The following AKAP13 variants were observed in gnomAD, a reference collection of about 807,000 sequenced individuals.
The protein encoded by AKAP13 is A-kinase anchor protein 13.
AKAP13 carries 80 observed loss-of-function variants against 264.5 expected under a neutral mutation model. That is an observed-to-expected ratio of 0.30 (90% CI 0.25 to 0.36). AKAP13 has a LOEUF of 0.36. Among genes scored for constraint, AKAP13 ranks in the 10% least tolerant of loss-of-function variants. AKAP13 has a pLI of 1.00. For missense variants in AKAP13, 3,712 were observed against 3,435.2 expected (o/e 1.08, Z -2.01); for synonymous variants, 1,380 against 1,250.2 (o/e 1.10, Z -2.19).
chr15:85,727,936 A>G lies in AKAP13; in HGVS notation c.7087+473A>G, dbSNP rs1384442070. On this transcript the variant is annotated intron_variant, in intron 29 of 36. Transcript: ENST00000394518. This position sits in a 1 kb window ranked among gnomAD's most constrained non-coding sequence, Gnocchi z 5.3. ...AAGTTTTGGGAGCAGGGTATGTATC[A>G]ATCTATGTTTGACCCTTATTTATTG... Among the ~76,000 whole-genome samples the G allele has an allele frequency of 6.6e-6, 1 of 152,212 alleles. No homozygotes were observed. The highest frequency in any genetic ancestry group is 1.5e-5 in the Non-Finnish European group (1 of 68,034).
At chr15:85,529,050 A>G (rs1318335742) in intron 3 of AKAP13, among the ~76,000 whole-genome samples, 1 of 152,192 alleles carries the variant, frequency 6.6e-6, no homozygotes, top group African/African-American at 2.4e-5. Context: ...TTATGCAGAA[A>G]GTTAGATTGT....
chr15:85,501,523 A>G (rs1478731017), intron 2 of AKAP13, among the ~76,000 whole-genome samples: 4 of 152,238 alleles, frequency 2.6e-5, no homozygotes, highest in Non-Finnish European at 5.9e-5. Flanking sequence ...AGAGGTTGGC[A>G]GAAATGTGTA....
chr15:85,557,315 A>G (rs1048244050), intron 5 of AKAP13, among the ~76,000 whole-genome samples: 1 of 152,190 alleles, frequency 6.6e-6, no homozygotes. Flanking sequence ...TAAATAAGAT[A>G]TTTATGATGA....
intron 2 of AKAP13, among the ~76,000 whole-genome samples, chr15:85,493,023 T>C (rs539674890): frequency 1.3e-5 from 2 of 152,330 alleles, no homozygotes; most frequent in South Asian, 4.1e-4. Context: ...ATCTTTTGCA[T>C]ATTGGATTTT....
At chr15:85,689,596 CT>C (rs2085156375) in intron 16 of AKAP13, among the ~76,000 whole-genome samples, 1 of 152,200 alleles carries the variant, frequency 6.6e-6, no homozygotes, top group Non-Finnish European at 1.5e-5. Context: ...CTAGTCACCA[CT>C]TTACACCAGG....
chr15:85,579,998 A>G lies in AKAP13; in HGVS notation c.1930A>G (p.Ser644Gly). Residue 644 changes from serine (S) to glycine (G), a missense_variant, in exon 7 of 37, where the codon AGC becomes GGC. Around this residue, in one of 3 missense-constraint regions of AKAP13, gnomAD observed 2,759 missense variants for 2,411.7 expected, o/e 1.14. Transcript: ENST00000394518. The stretch of plus-strand genomic sequence containing the variant: ...AGAAACAAATTCATCTCATGCTCAA[A>G]GCCAAAAGGGCAAATCCTCACCCAT... Reference protein sequence around the residue: ...NSETNSSHAQSQKGKSSPICS... With the variant: ...NSETNSSHAQGQKGKSSPICS... 6.2e-7 allele frequency: 1 copy of G among 1,614,228 alleles called. No individual in the cohort carries two copies.
intron 1 of AKAP13, among the ~76,000 whole-genome samples, chr15:85,446,682 G>A (rs975562709): frequency 2.7e-5 from 4 of 150,786 alleles, no homozygotes; most frequent in African/African-American, 4.9e-5. Flanking sequence ...CGTCTTCCCC[G>A]CTTTGCCCAG....
At position 85,664,492 on chromosome 15, in the gene AKAP13, GGGATTTT is replaced by G. The variant is rs2083493148; in HGVS notation, c.4800-69_4800-63del. ...CACAAACAAGGGAGATATACCCAAA[GGGATTTT>G]GTGTCCTCCTTTGTTTTTGAGACCC... On this transcript the variant is annotated intron_variant, in intron 12 of 36. Coordinates refer to ENST00000394518, the MANE Select transcript of AKAP13 (RefSeq NM_007200.5). The G allele has an allele frequency of 1.6e-5, 23 of 1,461,222 alleles. No homozygotes were observed. The South Asian group carries it at 2.6e-4, about 17-fold the overall frequency. 90.5% of individuals were successfully genotyped at this position (1,461,222 alleles called of 1,614,324 possible).
At chr15:85,386,908 T>G (rs919800657) in intron 1 of AKAP13, among the ~76,000 whole-genome samples, 2 of 152,198 alleles carry the variant, frequency 1.3e-5, no homozygotes, top group Admixed American at 6.5e-5. Context: ...TCAGGTAGTG[T>G]GAGTTATCTT....
At chr15:85,479,779 G>T (rs1227738268) in intron 1 of AKAP13, among the ~76,000 whole-genome samples, 1 of 152,174 alleles carries the variant, frequency 6.6e-6, no homozygotes, top group African/African-American at 2.4e-5. Flanking sequence ...TTAGGGACAT[G>T]TCATTAATGG....
intron 5 of AKAP13, among the ~76,000 whole-genome samples, chr15:85,547,467 G>C (rs1009313836): frequency 6.7e-6 from 1 of 149,642 alleles, no homozygotes; most frequent in Non-Finnish European, 1.5e-5. Flanking sequence ...GACATATAAG[G>C]ATTCTCTAAG....
chr15:85,451,829 G>C (rs946012226), intron 1 of AKAP13, among the ~76,000 whole-genome samples: 3 of 152,168 alleles, frequency 2.0e-5, no homozygotes, highest in African/African-American at 4.8e-5. Flanking sequence ...TGGAAAATCT[G>C]ACAATTATGT....
rs1567175486 is a variant in AKAP13 at position 85,650,785 on chromosome 15, AAAAAACAAC to A, written c.4375-4625_4375-4617del. Among the ~76,000 whole-genome samples, 163 of 136,178 alleles carry A rather than the reference AAAAAACAAC, an allele frequency of 1.2e-3. 1 individual carries two copies. The highest frequency in any genetic ancestry group is 2.1e-3 in the Non-Finnish European group (128 of 62,422). The allele number at this position is 136,178 out of a possible 152,430, so 89.3% of individuals were successfully genotyped here. A position where few individuals can be genotyped will look rare whatever the true frequency, so the allele number is the denominator to read the frequency against. On this transcript the variant is annotated intron_variant, in intron 10 of 36. Coordinates refer to ENST00000394518, the MANE Select transcript of AKAP13 (RefSeq NM_007200.5). Reference sequence around the variant, plus strand: ...AAAAAAAAAAAAAAAAAAAAAAAAAAAAAAACAACAAAAACTGCAATTGCCTGTGCACAA... The same window carrying A: ...AAAAAAAAAAAAAAAAAAAAAAAAAAAAAAACTGCAATTGCCTGTGCACAA...
rs371828866 is a variant in AKAP13, at chr15:85,460,473, G to T, written c.-11-25237G>T. On this transcript the variant is annotated intron_variant, in intron 1 of 36. Transcript: ENST00000394518. Reference sequence around the variant, plus strand: ...GACAGAAATACCTTCCTTGCTCCATGTTTATTGAGCCATTTATGATACTTT... The same window carrying T: ...GACAGAAATACCTTCCTTGCTCCATTTTTATTGAGCCATTTATGATACTTT... Among the ~76,000 whole-genome samples, 21 of 152,282 alleles carry T rather than the reference G, an allele frequency of 1.4e-4. No homozygotes were observed. The East Asian group carries it at 3.5e-3, about 25-fold the overall frequency.
intron 1 of AKAP13, among the ~76,000 whole-genome samples, chr15:85,481,503 G>A (rs942477015): frequency 2.6e-5 from 4 of 152,168 alleles, no homozygotes; most frequent in African/African-American, 9.7e-5. Context: ...TAAAGTGAAT[G>A]TGTCTCTTTT....
At chr15:85,415,346 G>A in intron 1 of AKAP13, 3 of 1,577,720 alleles carry the variant, frequency 1.9e-6, no homozygotes, top group Middle Eastern at 1.7e-4. Context: ...CAATAGCCAA[G>A]CCAGATTGTA....
intron 2 of AKAP13, among the ~76,000 whole-genome samples, chr15:85,496,362 C>T (rs1275728162): frequency 7.2e-5 from 11 of 152,094 alleles, no homozygotes; most frequent in Admixed American, 7.2e-4. Context: ...TTGGACTTTG[C>T]GCGTAGATTA....
At chr15:85,558,951 C>T (rs1417923422) in intron 5 of AKAP13, among the ~76,000 whole-genome samples, 1 of 151,946 alleles carries the variant, frequency 6.6e-6, no homozygotes, top group East Asian at 1.9e-4. Flanking sequence ...CCTCCTCCTC[C>T]TCCCTCCCTT....
rs7179179 is a variant in AKAP13 at position 85,468,978 on chromosome 15, G to A, written c.-11-16732G>A. ...CACCCAGGCTGGAGTGCAATGGCGT[G>A]ATCTCAGCTCACTGCAGCCTCTGCC... On this transcript the variant is annotated intron_variant, in intron 1 of 36. Coordinates refer to ENST00000394518, the MANE Select transcript of AKAP13 (RefSeq NM_007200.5). Among the ~76,000 whole-genome samples the A allele has an allele frequency of 2.0e-3, 235 of 116,272 alleles. 13 individuals carry two copies. The highest frequency in any genetic ancestry group is 3.0e-3 in the Non-Finnish European group (173 of 58,490). 76.3% of individuals were successfully genotyped at this position (116,272 alleles called of 152,430 possible).
Sources: gnomAD v4.1 joint callset for allele counts (sites outside exome capture counted in the v4.1 genomes callset) on GRCh38, gnomAD v4.1.1 for gene constraint, gnomAD v4.1.1 regional missense constraint, Gnocchi (gnomAD v3.1) non-coding constraint, MANE v1.5 for transcripts, NCBI Gene and HGNC (gene_info 2026-07-23, HGNC 2026-07-21) for gene names.